The following CFTR variants were observed in gnomAD, a reference collection of about 807,000 sequenced individuals.
The protein encoded by CFTR is CF transmembrane conductance regulator, also known as cystic fibrosis transmembrane conductance regulator.
In CFTR, 181 loss-of-function variants were observed where a neutral mutation model predicts 171.6. That is an observed-to-expected ratio of 1.05 (90% CI 0.93 to 1.19). CFTR has a LOEUF of 1.19. CFTR is among the 50% of genes most tolerant of loss of function. The pLI is 0.00. For missense variants in CFTR, 1,968 were observed against 1,734.7 expected (o/e 1.13, Z -2.39); for synonymous variants, 583 against 608.0 (o/e 0.96, Z 0.60).
intron 21 of CFTR, among the ~76,000 whole-genome samples, chr7:117,618,037 T>A (rs1399648915): frequency 6.6e-6 from 1 of 152,142 alleles, no homozygotes; most frequent in Non-Finnish European, 1.5e-5. Flanking sequence ...GACAAATTAT[T>A]CTTCTTGTGA....
intron 9 of CFTR, among the ~76,000 whole-genome samples, chr7:117,544,620 A>C (rs1276896026): frequency 6.6e-6 from 1 of 152,184 alleles, no homozygotes; most frequent in Non-Finnish European, 1.5e-5. Flanking sequence ...AGAACAGGGG[A>C]CCAGCAATTA....
intron 1 of CFTR, among the ~76,000 whole-genome samples, chr7:117,486,962 A>C (rs1229006442): frequency 6.6e-6 from 1 of 151,916 alleles, no homozygotes; most frequent in Non-Finnish European, 1.5e-5. Context: ...TTTGGTAATC[A>C]ATTAGTAGTT....
chr7:117,603,553 G>C lies in CFTR; in HGVS notation c.2679G>C (p.Gly893=). 6.2e-7 allele frequency: 1 copy of C among 1,613,884 alleles called. No homozygotes were observed. Residue 893 remains glycine, a synonymous_variant, in exon 17 of 27, where the codon GGG becomes GGC. Coordinates refer to ENST00000003084, the MANE Select transcript of CFTR (RefSeq NM_000492.4). Reference sequence around the variant, plus strand: ...ACAGCACTCCTCTTCAAGACAAAGGGAATAGTACTCATAGTAGAAATAACA... The same window carrying C: ...ACAGCACTCCTCTTCAAGACAAAGGCAATAGTACTCATAGTAGAAATAACA... The part of the protein sequence containing the change: ...LLGNTPLQDK[G]NSTHSRNNSY...
intron 1 of CFTR, among the ~76,000 whole-genome samples, chr7:117,495,412 C>G (rs1292112426): frequency 6.6e-6 from 1 of 152,076 alleles, no homozygotes; most frequent in Non-Finnish European, 1.5e-5. Context: ...TGTAGCATTA[C>G]TTATTATTGC....
chr7:117,555,212 A>C (rs1394813261), intron 10 of CFTR, among the ~76,000 whole-genome samples: 1 of 152,232 alleles, frequency 6.6e-6, no homozygotes, highest in African/African-American at 2.4e-5. Context: ...TGCTACTATA[A>C]AATATACACA....
chr7:117,540,494 GA>G (rs1182936906), intron 8 of CFTR, 148 bp downstream of exon 8: 1 of 703,150 alleles, frequency 1.4e-6, no homozygotes, highest in Non-Finnish European at 2.3e-6. Context: ...CTAATACTAG[GA>G]ATGTTCACCT....
At chr7:117,657,272 G>A (rs1793197893) in intron 24 of CFTR, among the ~76,000 whole-genome samples, 1 of 151,944 alleles carries the variant, frequency 6.6e-6, no homozygotes, top group African/African-American at 2.4e-5. Context: ...TACCTGTTTA[G>A]GTTTTTATTT....
At chr7:117,494,303 T>C (rs1798205280) in intron 1 of CFTR, among the ~76,000 whole-genome samples, 1 of 152,076 alleles carries the variant, frequency 6.6e-6, no homozygotes, top group Admixed American at 6.6e-5. Context: ...CAAGCTAGTG[T>C]TAGAAAGGAT....
Position 117,480,050 on chromosome 7 carries a change from T to C in CFTR, c.-45T>C. On this transcript the variant is annotated 5_prime_UTR_variant, in exon 1 of 27. Transcript: ENST00000003084. ...GTAGTAGGTCTTTGGCATTAGGAGC[T>C]TGAGCCCAGACGGCCCTAGCAGGGA... The C allele has an allele frequency of 6.3e-7, 1 of 1,598,268 alleles. No individual in the cohort carries two copies. Among genetic ancestry groups the C allele is most frequent in the South Asian group, 1.1e-5 (1 of 90,782 alleles).
At chr7:117,622,343 T>G (rs1329958043) in intron 21 of CFTR, among the ~76,000 whole-genome samples, 2 of 152,170 alleles carry the variant, frequency 1.3e-5, no homozygotes, top group African/African-American at 4.8e-5. Context: ...GCCTAAAGAT[T>G]ATGCTAATGG....
intron 8 of CFTR, among the ~76,000 whole-genome samples, chr7:117,541,798 A>G (rs1462910906): frequency 6.6e-6 from 1 of 152,192 alleles, no homozygotes. Flanking sequence ...TTTATAAAAT[A>G]TCATATGTTT....
chr7:117,665,650 A>C (rs1793363259), intron 26 of CFTR, 86 bp downstream of exon 26: 1 of 861,570 alleles, frequency 1.2e-6, no homozygotes, highest in Non-Finnish European at 2.0e-6. Flanking sequence ...TGCAAATTGC[A>C]ACAATGTACA....
chr7:117,495,521 T>A (rs1798223637), intron 1 of CFTR, among the ~76,000 whole-genome samples: 1 of 152,182 alleles, frequency 6.6e-6, no homozygotes, highest in Non-Finnish European at 1.5e-5. Context: ...CATTCCTTGG[T>A]TTCTTTACGA....
At chr7:117,537,784 A>G (rs1314983665) in intron 7 of CFTR, among the ~76,000 whole-genome samples, 1 of 152,210 alleles carries the variant, frequency 6.6e-6, no homozygotes, top group African/African-American at 2.4e-5. Context: ...CCAGAAAACA[A>G]GTTCTTGGGG....
intron 22 of CFTR, among the ~76,000 whole-genome samples, chr7:117,630,888 C>A (rs975123750): frequency 2.6e-5 from 4 of 152,080 alleles, no homozygotes; most frequent in South Asian, 2.1e-4. Context: ...TAACATGAGG[C>A]AAAGGGCATG....
At chr7:117,541,994 T>C (rs746475495) in intron 8 of CFTR, 22 bp from the exon 9 acceptor site, 2 of 1,178,934 alleles carry the variant, frequency 1.7e-6, no homozygotes, top group Non-Finnish European at 1.3e-6. Context: ...TATAATATGT[T>C]TTTGCTCTCT....
At chr7:117,511,415 G>A (rs1241591214) in intron 3 of CFTR, among the ~76,000 whole-genome samples, 5 of 152,260 alleles carry the variant, frequency 3.3e-5, no homozygotes, top group Non-Finnish European at 7.4e-5. Flanking sequence ...AAAAGAGATC[G>A]TAAAAGCCCT....
chr7:117,495,119 G>C (rs973474309), intron 1 of CFTR, among the ~76,000 whole-genome samples: 1 of 152,018 alleles, frequency 6.6e-6, no homozygotes, highest in Non-Finnish European at 1.5e-5. Context: ...TCCTAAATTA[G>C]AGAGCAATGG....
At chr7:117,510,713 C>T (rs544188034) in intron 3 of CFTR, among the ~76,000 whole-genome samples, 4 of 152,090 alleles carry the variant, frequency 2.6e-5, no homozygotes, top group African/African-American at 9.7e-5. Flanking sequence ...ACCTAAATGT[C>T]AAAGTTTGTA....
Sources: gnomAD v4.1 joint callset for allele counts (sites outside exome capture counted in the v4.1 genomes callset) on GRCh38, gnomAD v4.1.1 for gene constraint, MANE v1.5 for transcripts, NCBI Gene and HGNC (gene_info 2026-07-23, HGNC 2026-07-21) for gene names.